Variants in WNK3 observed in about 807,000 individuals in gnomAD.
WNK3 encodes the protein serine/threonine-protein kinase WNK3.
Under a neutral mutation model 116.7 loss-of-function variants are expected in WNK3, and 18 were observed. The ratio of observed to expected loss-of-function variants is 0.15; its 90% confidence interval spans 0.11 to 0.23. The LOEUF is 0.23. Ranked by LOEUF, WNK3 falls within the 10% of genes least tolerant of loss-of-function variation. WNK3 has a pLI of 1.00. For synonymous variants in WNK3, 404 were observed against 469.4 expected, an observed-to-expected ratio of 0.86 and a Z score of 1.80; for missense variants, 993 against 1,323.8, an observed-to-expected ratio of 0.75 and a Z score of 3.88.
At chrX:54,245,715 T>C (rs2068069126) in intron 17 of WNK3, among the ~76,000 whole-genome samples, 1 of 112,066 alleles carries the variant, frequency 8.9e-6, no homozygotes, top group Non-Finnish European at 1.9e-5. Context: ...TTACAAATAT[T>C]TAAACTTGTT....
intron 10 of WNK3, among the ~76,000 whole-genome samples, chrX:54,287,471 T>TA (rs782554087): frequency 2.7e-5 from 3 of 111,822 alleles, no homozygotes; most frequent in Non-Finnish European, 5.6e-5. Context: ...CCTACTCTGA[T>TA]AGCCATCTTC....
chrX:54,256,331 T>C (rs1391400406), intron 11 of WNK3, among the ~76,000 whole-genome samples: 1 of 112,117 alleles, frequency 8.9e-6, no homozygotes, highest in Non-Finnish European at 1.9e-5. Flanking sequence ...ACTCAAAATA[T>C]ACTTGTTTAT....
intron 7 of WNK3, among the ~76,000 whole-genome samples, chrX:54,295,388 A>G (rs1379537373): frequency 9.0e-6 from 1 of 111,520 alleles, no homozygotes; most frequent in Non-Finnish European, 1.9e-5. Context: ...AAAACGAACA[A>G]AACAACTTGA....
Position 54,292,800 on chromosome X carries a change from T to C in WNK3, c.2037+88A>G. 5.2e-6 allele frequency: 5 copies of C among 960,149 alleles called. No homozygotes were observed. The South Asian group carries it at 1.2e-4, about 23-fold the overall frequency. The allele number at this position is 960,149 out of a possible 1,213,427, so 79.1% of individuals were successfully genotyped here. ...TGACCTTTCTCTAAACTATAATGAATTTATAAAAGAGAACTTTTGCCTGTC... is the reference window on the plus strand; with the variant it reads ...TGACCTTTCTCTAAACTATAATGAACTTATAAAAGAGAACTTTTGCCTGTC... On this transcript the variant is annotated intron_variant, in intron 10 of 23. Coordinates refer to ENST00000354646, the Ensembl canonical transcript of WNK3.
chrX:54,292,592 G>C (rs1331580326), intron 10 of WNK3, among the ~76,000 whole-genome samples: 2 of 108,496 alleles, frequency 1.8e-5, no homozygotes, highest in East Asian at 5.8e-4. Context: ...TGTAATCCCA[G>C]CTACTTGGGA....
intron 1 of WNK3, among the ~76,000 whole-genome samples, chrX:54,344,737 G>C (rs1261523126): frequency 1.8e-5 from 2 of 111,148 alleles, no homozygotes; most frequent in African/African-American, 6.5e-5. Context: ...GAGGTCAGGA[G>C]ATCAAGACCA....
intron 22 of WNK3, among the ~76,000 whole-genome samples, chrX:54,227,183 C>T (rs1293208133): frequency 8.9e-6 from 1 of 111,880 alleles, no homozygotes; most frequent in Non-Finnish European, 1.9e-5. Context: ...TTCCCTCCAA[C>T]ACTTGCTACT....
At chrX:54,274,964 C>G (rs1016554616) in intron 10 of WNK3, among the ~76,000 whole-genome samples, 1 of 102,276 alleles carries the variant, frequency 9.8e-6, no homozygotes, top group African/African-American at 3.6e-5. Flanking sequence ...TAGACCATGA[C>G]TGAGCCACTG....
chrX:54,202,684 G>T (rs782613260), intron 22 of WNK3, among the ~76,000 whole-genome samples: 5 of 100,028 alleles, frequency 5.0e-5, no homozygotes, highest in African/African-American at 2.0e-4. Context: ...GCAAGACTCC[G>T]TCTCAAGAAA....
chrX:54,268,311 G>A (rs895149188), intron 10 of WNK3, among the ~76,000 whole-genome samples: 1 of 110,671 alleles, frequency 9.0e-6, no homozygotes, highest in Non-Finnish European at 1.9e-5. Context: ...GCAATACCTC[G>A]CCTCTACAAA....
chrX:54,291,420 T>A (rs2068639211), intron 10 of WNK3, among the ~76,000 whole-genome samples: 1 of 112,622 alleles, frequency 8.9e-6, no homozygotes, highest in African/African-American at 3.2e-5. Context: ...TTCATAACTT[T>A]ATGGGCTTTA....
chrX:54,258,737 G>A (rs2068224088), intron 11 of WNK3, among the ~76,000 whole-genome samples: 1 of 106,787 alleles, frequency 9.4e-6, no homozygotes, highest in Admixed American at 1.0e-4. Context: ...AAAAGAAATA[G>A]AAGATTTTAA....
intron 2 of WNK3, among the ~76,000 whole-genome samples, chrX:54,315,394 TAG>T (rs1385748768): frequency 9.0e-6 from 1 of 111,213 alleles, no homozygotes; most frequent in Non-Finnish European, 1.9e-5. Flanking sequence ...GTTCTAGCTG[TAG>T]AGTCTTTACT....
intron 1 of WNK3, among the ~76,000 whole-genome samples, chrX:54,356,120 A>G (rs1223837039): frequency 1.3e-4 from 15 of 111,848 alleles, no homozygotes; most frequent in Admixed American, 1.2e-3. Flanking sequence ...ATTAAAATCC[A>G]TAACCGTTAA....
intron 3 of WNK3, among the ~76,000 whole-genome samples, chrX:54,309,768 G>A (rs1182000634): frequency 8.9e-6 from 1 of 111,834 alleles, no homozygotes; most frequent in African/African-American, 3.2e-5. Flanking sequence ...CTGACCTCAG[G>A]TGATCTGCCT....
intron 22 of WNK3, among the ~76,000 whole-genome samples, chrX:54,204,156 G>C (rs1439754989): frequency 2.5e-4 from 28 of 111,264 alleles, no homozygotes; most frequent in African/African-American, 9.2e-4. Context: ...GTCTCGCTTT[G>C]TCACCCAAGC....
chrX:54,293,207 T>C, exon 9 of WNK3: 1 of 1,211,113 alleles, frequency 8.3e-7, no homozygotes, highest in Non-Finnish European at 1.1e-6. Context: ...TACTTCAGCC[T>C]GCGGGATATT....
chrX:54,214,741 G>A (rs1478717090), intron 22 of WNK3, among the ~76,000 whole-genome samples: 2 of 110,760 alleles, frequency 1.8e-5, no homozygotes, highest in African/African-American at 3.3e-5. Flanking sequence ...GGCTGGGCGC[G>A]GTGGCTCACG....
intron 21 of WNK3, 111 bp downstream of exon 21, chrX:54,232,698 C>G: frequency 7.5e-6 from 5 of 666,699 alleles, no homozygotes; most frequent in Non-Finnish European, 1.1e-5. Flanking sequence ...ATAATGTGTA[C>G]TTCTTTAAAT....
Sources: gnomAD v4.1 joint callset for allele counts (sites outside exome capture counted in the v4.1 genomes callset) on GRCh38, gnomAD v4.1.1 for gene constraint, MANE v1.5 for transcripts, NCBI Gene and HGNC (gene_info 2026-07-23, HGNC 2026-07-21) for gene names.